ITPR2: variants seen among roughly 807,000 people sequenced by gnomAD.
The protein encoded by ITPR2 is inositol 1,4,5-trisphosphate receptor type 2.
ITPR2 carries 207 observed loss-of-function variants against 317.1 expected under a neutral mutation model. The ratio of observed to expected loss-of-function variants is 0.65; its 90% CI spans 0.58 to 0.73. ITPR2 has a LOEUF of 0.73. Ranked by LOEUF, ITPR2 falls within the 30% of genes least tolerant of loss-of-function variation. The pLI, the probability that ITPR2 is intolerant of heterozygous loss-of-function variation, is 0.00. For missense variants in ITPR2, 2,613 were observed against 3,284.0 expected, an observed-to-expected ratio of 0.80 and a Z score of 4.99; for synonymous variants, 1,156 against 1,149.1, an observed-to-expected ratio of 1.01 and a Z score of -0.12.
intron 10 of ITPR2, among the ~76,000 whole-genome samples, chr12:26,694,709 C>A (rs1485429872): frequency 6.6e-6 from 1 of 152,136 alleles, no homozygotes; most frequent in East Asian, 1.9e-4. Flanking sequence ...AAGAACCCAA[C>A]AATCCTGGGG....
intron 9 of ITPR2, among the ~76,000 whole-genome samples, chr12:26,703,924 A>G (rs1948501541): frequency 6.6e-6 from 1 of 152,244 alleles, no homozygotes; most frequent in Admixed American, 6.5e-5. Context: ...ACAACAGGTA[A>G]CAAACAAATG....
chr12:26,567,960 A>ATATATAT (rs1565609382), intron 34 of ITPR2, among the ~76,000 whole-genome samples: 120 of 9,730 alleles, frequency 0.012, 3 homozygotes, highest in South Asian at 0.032. Flanking sequence ...TTATATATAT[A>ATATATAT]TATATATATT....
intron 52 of ITPR2, among the ~76,000 whole-genome samples, chr12:26,408,129 C>T (rs1940416975): frequency 6.6e-6 from 1 of 152,180 alleles, no homozygotes; most frequent in Non-Finnish European, 1.5e-5. Context: ...TATCTTATAA[C>T]TTTTTATGTT....
chr12:26,576,166 G>T (rs548669554), intron 34 of ITPR2, among the ~76,000 whole-genome samples: 1 of 152,044 alleles, frequency 6.6e-6, no homozygotes, highest in Admixed American at 6.6e-5. Flanking sequence ...TTTCCTAACC[G>T]ATTTGGCCCA....
At chr12:26,706,151 C>T (rs957395675) in intron 9 of ITPR2, among the ~76,000 whole-genome samples, 4 of 152,242 alleles carry the variant, frequency 2.6e-5, no homozygotes, top group East Asian at 3.9e-4. Flanking sequence ...TTTCGTGTGG[C>T]GTGGCTGTTG....
intron 37 of ITPR2, among the ~76,000 whole-genome samples, chr12:26,500,893 C>G (rs1875579): frequency 0.53 from 80,239 of 151,960 alleles, 22,011 homozygotes; most frequent in South Asian, 0.65. Context: ...GGAATGAAGA[C>G]TTCAAGGATG....
intron 9 of ITPR2, among the ~76,000 whole-genome samples, chr12:26,699,218 C>A (rs1264763139): frequency 6.6e-6 from 1 of 152,040 alleles, no homozygotes; most frequent in Non-Finnish European, 1.5e-5. Flanking sequence ...CTAAGTCAAA[C>A]ACAAAATAAA....
At chr12:26,566,427 TAAGAGGAGAAGGAGAGGA>T (rs1398173475) in intron 34 of ITPR2, among the ~76,000 whole-genome samples, 1,077 of 72,116 alleles carry the variant, frequency 0.015, 5 homozygotes, top group African/African-American at 0.055. Context: ...GAAGGAGAGG[TAAGAGGAGAAGGAGAGGA>T]AAGAGGGGAG....
chr12:26,599,547 G>A (rs1463156316), intron 29 of ITPR2, among the ~76,000 whole-genome samples: 1 of 152,170 alleles, frequency 6.6e-6, no homozygotes, highest in Admixed American at 6.5e-5. Context: ...TTTAGTTGGA[G>A]AAATGAGCTT....
At chr12:26,702,381 G>A (rs1381052477) in intron 9 of ITPR2, among the ~76,000 whole-genome samples, 1 of 81,898 alleles carries the variant, frequency 1.2e-5, no homozygotes, top group South Asian at 3.9e-4. Context: ...GAGGTTTTTG[G>A]TTTGGTTTGG....
intron 1 of ITPR2, among the ~76,000 whole-genome samples, chr12:26,803,109 G>A (rs977831092): frequency 4.0e-5 from 6 of 151,896 alleles, no homozygotes; most frequent in African/African-American, 1.5e-4. Flanking sequence ...TATTATCTTG[G>A]CTTACACTGA....
chr12:26,775,310 T>TA (rs978395026), intron 2 of ITPR2, among the ~76,000 whole-genome samples: 11 of 147,916 alleles, frequency 7.4e-5, no homozygotes, highest in Admixed American at 1.3e-4. Context: ...AGTTAAGATT[T>TA]AAAAAAAAAA....
intron 45 of ITPR2, among the ~76,000 whole-genome samples, chr12:26,472,860 G>A (rs974596867): frequency 2.0e-5 from 3 of 151,506 alleles, no homozygotes; most frequent in Non-Finnish European, 4.4e-5. Flanking sequence ...TTTGTATTCT[G>A]TACTCTGTTT....
rs1457310193 is a variant in ITPR2, at chr12:26,342,508, G to C, written c.7858-2180C>G. 4.0e-4 allele frequency among the ~76,000 whole-genome samples: 29 copies of C among 72,956 alleles called. 2 individuals are homozygous for C. The highest frequency in any genetic ancestry group is 1.6e-3 in the East Asian group (4 of 2,440). The allele number at this position is 72,956 out of a possible 152,430, so 47.9% of individuals were successfully genotyped here. A position where few individuals can be genotyped will look rare whatever the true frequency, so the allele number is the denominator to read the frequency against. On this transcript the variant is annotated intron_variant, in intron 55 of 56. Transcript: ENST00000381340. Reference sequence around the variant, plus strand: ...TTGGGTCACGGCGGTGGGGGGGGGGGGGGGGCGGGGGTCAGATCCCTCAGG... The same window carrying C: ...TTGGGTCACGGCGGTGGGGGGGGGGCGGGGGCGGGGGTCAGATCCCTCAGG...
At chr12:26,606,294 G>A (rs1946126376) in intron 26 of ITPR2, among the ~76,000 whole-genome samples, 4 of 151,952 alleles carry the variant, frequency 2.6e-5, no homozygotes, top group South Asian at 2.1e-4. Context: ...TGCTCCAAAC[G>A]TCCTTGCATT....
intron 1 of ITPR2, among the ~76,000 whole-genome samples, chr12:26,812,320 G>A (rs1454140857): frequency 6.6e-6 from 1 of 152,084 alleles, no homozygotes; most frequent in Non-Finnish European, 1.5e-5. Context: ...GCTCATGCCT[G>A]TAATCCCAAG....
chr12:26,542,361 G>A (rs1324731640), intron 37 of ITPR2, among the ~76,000 whole-genome samples: 1 of 152,130 alleles, frequency 6.6e-6, no homozygotes, highest in South Asian at 2.1e-4. Flanking sequence ...AACCTGTTTG[G>A]ATCTAACATG....
At position 26,510,427 on chromosome 12, in the gene ITPR2, C is replaced by T. The variant is rs529873412; in HGVS notation, c.5074-15167G>A. ...GTAGCTTCCATAAGAAAAGAAGATG[C>T]TTCCCACAGACTTTGTTGACAAGAC... On this transcript the variant is annotated intron_variant, in intron 37 of 56. Coordinates refer to ENST00000381340, the MANE Select transcript of ITPR2 (RefSeq NM_002223.4). 1.4e-4 allele frequency among the ~76,000 whole-genome samples: 22 copies of T among 152,298 alleles called. No homozygotes were observed. In the South Asian group the frequency reaches 2.1e-3, roughly 14 times the overall value.
intron 2 of ITPR2, among the ~76,000 whole-genome samples, chr12:26,730,316 C>A (rs775959028): frequency 1.3e-5 from 2 of 152,300 alleles, no homozygotes; most frequent in East Asian, 3.9e-4. Flanking sequence ...CAGAGCAACC[C>A]GGTCTCACCT....
Sources: gnomAD v4.1 joint callset for allele counts (sites outside exome capture counted in the v4.1 genomes callset) on GRCh38, gnomAD v4.1.1 for gene constraint, MANE v1.5 for transcripts, NCBI Gene and HGNC (gene_info 2026-07-23, HGNC 2026-07-21) for gene names.